Variants in TBCD observed in about 807,000 individuals in gnomAD.
TBCD encodes the protein tubulin folding cofactor D, also known as tubulin-specific chaperone D.
In TBCD, 105 loss-of-function variants were observed where a neutral mutation model predicts 169.3. The observed-to-expected ratio is 0.62, with a 90% CI of 0.53 to 0.73. The LOEUF (loss-of-function observed/expected upper bound fraction) is 0.73, where lower values mean the gene tolerates loss of function less well. Among genes scored for constraint, TBCD ranks in the 30% least tolerant of loss-of-function variants. The pLI is 0.00. For missense variants in TBCD, 1,444 were observed against 1,600.1 expected (o/e 0.90, Z 1.66); for synonymous variants, 700 against 643.9 (o/e 1.09, Z -1.32).
chr17:82,852,668 G>A (rs2055896179), intron 13 of TBCD, among the ~76,000 whole-genome samples: 2 of 152,222 alleles, frequency 1.3e-5, no homozygotes, highest in African/African-American at 2.4e-5. Context: ...TCCAGATACA[G>A]GCACTCGGGG....
chr17:82,814,819 C>T (rs747758494), intron 12 of TBCD, 21 bp from the exon 13 acceptor site: 1 of 1,613,448 alleles, frequency 6.2e-7, no homozygotes. Context: ...GCTGTGGTCT[C>T]AGGATCTTTG....
rs149184066 is a variant in TBCD, at chr17:82,826,748, G to T, written c.1318+11814G>T. Reference sequence around the variant, plus strand: ...ATGCTTTTAACCAGAATAAGGCAAGGTTCTGCAACAGTACAATTTTTGCTT... The same window carrying T: ...ATGCTTTTAACCAGAATAAGGCAAGTTTCTGCAACAGTACAATTTTTGCTT... On this transcript the variant is annotated intron_variant, in intron 13 of 38. Transcript: ENST00000355528. Among the ~76,000 whole-genome samples the T allele has an allele frequency of 2.4e-3, 357 of 151,640 alleles. 1 individual carries two copies. The highest frequency in any genetic ancestry group is 0.011 in the South Asian group (54 of 4,784).
intron 23 of TBCD, among the ~76,000 whole-genome samples, chr17:82,914,393 C>G (rs1194102900): frequency 6.6e-6 from 1 of 152,190 alleles, no homozygotes; most frequent in Admixed American, 6.5e-5. Context: ...TCAGGGTTCA[C>G]GGCAGGGTGT....
intron 12 of TBCD, among the ~76,000 whole-genome samples, chr17:82,810,959 G>A (rs1171169596): frequency 1.3e-5 from 2 of 152,318 alleles, no homozygotes; most frequent in Non-Finnish European, 1.5e-5. Flanking sequence ...TGTCAGATAC[G>A]GGTCATGTTT....
chr17:82,797,961 A>ATTTTTT (rs2050221389), intron 8 of TBCD, among the ~76,000 whole-genome samples, 159 bp downstream of exon 8: 1 of 54,974 alleles, frequency 1.8e-5, no homozygotes, highest in Non-Finnish European at 3.9e-5. Context: ...TAGTAACTGA[A>ATTTTTT]CTTTTTTTTT....
chr17:82,927,987 A>G lies in TBCD; in HGVS notation c.2692A>G (p.Thr898Ala). ...RSQPELIEAH[T>A]CERIMCCVAQ... is the part of the protein sequence containing the mutation. The stretch of plus-strand genomic sequence containing the variant: ...CCAGCCTGAGCTGATCGAGGCCCAT[A>G]CGTGAGTGTCACGTCGCAGCTCTTC... Residue 898 changes from threonine to alanine, a missense_variant and splice_region_variant, in exon 30 of 39, where the codon ACC becomes GCC. Physicochemically the swap from Thr to Ala is moderately conservative, Grantham distance 58. Coordinates refer to ENST00000355528, the MANE Select transcript of TBCD (RefSeq NM_005993.5). 6.2e-7 allele frequency: 1 copy of G among 1,609,832 alleles called. No homozygotes were observed.
chr17:82,925,457 A>G (rs2061665578), intron 27 of TBCD, among the ~76,000 whole-genome samples: 1 of 152,134 alleles, frequency 6.6e-6, no homozygotes, highest in Non-Finnish European at 1.5e-5. Flanking sequence ...CCCAGAGGTC[A>G]GCCCCACGCT....
chr17:82,781,510 GGT>G (rs1487736336), intron 6 of TBCD, 77 bp from the exon 7 acceptor site: 3 of 1,561,336 alleles, frequency 1.9e-6, no homozygotes, highest in East Asian at 4.5e-5. Context: ...TGGGGAGGTG[GGT>G]GTGTGTGGGG....
At chr17:82,896,939 C>G (rs1489988354) in intron 17 of TBCD, among the ~76,000 whole-genome samples, 1 of 151,972 alleles carries the variant, frequency 6.6e-6, no homozygotes, top group African/African-American at 2.4e-5. Flanking sequence ...GTTGGTCTTT[C>G]AAGCTTGGCC....
chr17:82,848,630 G>A (rs1488585475), intron 13 of TBCD, among the ~76,000 whole-genome samples: 3 of 152,126 alleles, frequency 2.0e-5, no homozygotes, highest in African/African-American at 4.8e-5. Context: ...GAGTTAAATC[G>A]CACAAGGACA....
Position 82,832,797 on chromosome 17 carries a change from C to T in TBCD, c.1318+17863C>T, listed in dbSNP as rs905964241. Reference sequence around the variant, plus strand: ...GCAGCTGCCGGTCACAGAAGCAGCCCTGCCCTACCCTTGGTAACCTGGCTG... The same window carrying T: ...GCAGCTGCCGGTCACAGAAGCAGCCTTGCCCTACCCTTGGTAACCTGGCTG... On this transcript the variant is annotated intron_variant, in intron 13 of 38. Coordinates refer to ENST00000355528, the MANE Select transcript of TBCD (RefSeq NM_005993.5). The surrounding 1 kb of genome is among the most constrained non-coding windows in gnomAD (Gnocchi z 4.9). Among the ~76,000 whole-genome samples the T allele has an allele frequency of 6.6e-6, 1 of 152,204 alleles. No individual in the cohort carries two copies. The highest frequency in any genetic ancestry group is 2.4e-5 in the African/African-American group (1 of 41,446).
chr17:82,801,034 G>T, intron 9 of TBCD, 38 bp downstream of exon 9: 1 of 1,570,976 alleles, frequency 6.4e-7, no homozygotes, highest in South Asian at 1.1e-5. Flanking sequence ...GAGGGCCACG[G>T]GGTGGGGAGG....
chr17:82,774,832 C>T (rs1181734212), intron 6 of TBCD, among the ~76,000 whole-genome samples: 1 of 152,240 alleles, frequency 6.6e-6, no homozygotes, highest in African/African-American at 2.4e-5. Context: ...ACAAGTGGAA[C>T]GCACGTTTTC....
chr17:82,752,458 G>T, intron 1 of TBCD, 81 bp downstream of exon 1: 2 of 1,088,738 alleles, frequency 1.8e-6, no homozygotes, highest in Non-Finnish European at 2.3e-6. Context: ...GGCGGGGACC[G>T]CAGCCCGGCG....
chr17:82,871,425 T>A (rs551664883), intron 14 of TBCD, among the ~76,000 whole-genome samples: 1 of 152,324 alleles, frequency 6.6e-6, no homozygotes, highest in African/African-American at 2.4e-5. Flanking sequence ...CATGGGTGTG[T>A]GAGCCCACGG....
At chr17:82,752,688 C>T (rs1216167786) in intron 1 of TBCD, among the ~76,000 whole-genome samples, 1 of 152,096 alleles carries the variant, frequency 6.6e-6, no homozygotes, top group Non-Finnish European at 1.5e-5. Context: ...CCCTCCGTCC[C>T]CCGTCTCCGT....
chr17:82,828,367 T>G (rs913564258), intron 13 of TBCD, among the ~76,000 whole-genome samples: 4 of 116,670 alleles, frequency 3.4e-5, no homozygotes, highest in Non-Finnish European at 6.8e-5. Flanking sequence ...CCCACACGAT[T>G]GAATGTGCAC....
At chr17:82,876,420 C>T (rs1011098468) in intron 14 of TBCD, among the ~76,000 whole-genome samples, 1 of 152,216 alleles carries the variant, frequency 6.6e-6, no homozygotes, top group Non-Finnish European at 1.5e-5. Context: ...CGTGGTGACT[C>T]ACTCAGGGTG....
intron 22 of TBCD, among the ~76,000 whole-genome samples, chr17:82,911,531 AAAATT>A (rs1396287432): frequency 6.6e-6 from 1 of 152,224 alleles, no homozygotes; most frequent in African/African-American, 2.4e-5. Context: ...ATGTCCAGTA[AAAATT>A]AAAAATCAGC....
Sources: allele counts gnomAD v4.1 joint callset (sites outside exome capture counted in the v4.1 genomes callset), GRCh38; gene constraint gnomAD v4.1.1; non-coding constraint Gnocchi (gnomAD v3.1); transcripts MANE v1.5; gene names NCBI Gene and HGNC (gene_info 2026-07-23, HGNC 2026-07-21).